The following CUX1 variants were observed in gnomAD, a reference collection of about 807,000 sequenced individuals.
The protein encoded by CUX1 is cut like homeobox 1.
CUX1 carries 31 observed loss-of-function variants against 158.8 expected under a neutral mutation model. The observed-to-expected ratio is 0.20, with a 90% CI of 0.15 to 0.26. CUX1 has a LOEUF of 0.26. Among genes scored for constraint, CUX1 ranks in the 10% least tolerant of loss-of-function variants. The pLI is 1.00. For missense variants in CUX1, 1,589 were observed against 2,014.6 expected (o/e 0.79, Z 4.04); for synonymous variants, 879 against 862.1 (o/e 1.02, Z -0.34).
At chr7:102,102,486 C>T (rs755026104) in intron 5 of CUX1, among the ~76,000 whole-genome samples, 30 of 147,394 alleles carry the variant, frequency 2.0e-4, no homozygotes, top group Non-Finnish European at 3.6e-4. Flanking sequence ...GGGTGTTAAT[C>T]GCCCAGGTGT....
At chr7:101,876,843 A>G (rs978582411) in intron 1 of CUX1, among the ~76,000 whole-genome samples, 2 of 152,016 alleles carry the variant, frequency 1.3e-5, no homozygotes, top group African/African-American at 4.8e-5. Context: ...TGAACTCCTG[A>G]CCTCAAGTGA....
downstream of CUX1, among the ~76,000 whole-genome samples, chr7:102,261,377 C>T (rs1363677418): frequency 1.3e-5 from 2 of 152,088 alleles, no homozygotes; most frequent in Non-Finnish European, 2.9e-5. Flanking sequence ...GTCTGTAATC[C>T]CAGCTACTCA....
Position 101,869,548 on chromosome 7 carries a change from CG to C in CUX1, c.31-46564del, listed in dbSNP as rs1562948382. Among the ~76,000 whole-genome samples the C allele has an allele frequency of 1.5e-5, 2 of 129,478 alleles. No homozygotes were observed. The allele number at this position is 129,478 out of a possible 152,430, so 84.9% of individuals were successfully genotyped here. ...GGGTGAGCACAGCATTTGCGGGGCG[CG>C]GGAAGGGAGTGGCTGGTGGGGCGGG... is the stretch of plus-strand genomic sequence containing the variant. On this transcript the variant is annotated intron_variant, in intron 1 of 23. Coordinates refer to ENST00000292535, the MANE Select transcript of CUX1 (RefSeq NM_181552.4). This position sits in a 1 kb window ranked among gnomAD's most constrained non-coding sequence, Gnocchi z 4.5.
intron 2 of CUX1, among the ~76,000 whole-genome samples, chr7:102,020,752 C>T (rs900725914): frequency 2.6e-5 from 4 of 151,842 alleles, no homozygotes; most frequent in Non-Finnish European, 2.9e-5. Context: ...TGGTGGCGGG[C>T]GCCTGTAATC....
At chr7:102,104,646 C>G (rs1280198619) in intron 6 of CUX1, among the ~76,000 whole-genome samples, 187 bp downstream of exon 6, 1 of 152,168 alleles carries the variant, frequency 6.6e-6, no homozygotes, top group African/African-American at 2.4e-5. Flanking sequence ...AATCTCAGCA[C>G]TTTGGGAGGC....
intron 2 of CUX1, among the ~76,000 whole-genome samples, chr7:101,922,215 C>G (rs186639068): frequency 1.3e-5 from 2 of 152,270 alleles, no homozygotes; most frequent in African/African-American, 4.8e-5. Context: ...GGAATAAAAC[C>G]CTATCTCCAT....
At chr7:101,995,634 G>A (rs1278644459) in intron 2 of CUX1, among the ~76,000 whole-genome samples, 1 of 152,202 alleles carries the variant, frequency 6.6e-6, no homozygotes, top group Non-Finnish European at 1.5e-5. Context: ...GACGATAGTT[G>A]TCAAGAATTA....
intron 20 of CUX1, among the ~76,000 whole-genome samples, chr7:102,215,314 C>T (rs1342294746): frequency 7.0e-6 from 1 of 141,886 alleles, no homozygotes; most frequent in Non-Finnish European, 1.5e-5. Flanking sequence ...GCAGGGACTC[C>T]CCAGGGGCAG....
exon 23 of CUX1, chr7:102,283,331 C>G (rs1792256496): frequency 1.8e-6 from 1 of 549,836 alleles, no homozygotes; most frequent in Admixed American, 3.0e-5. Flanking sequence ...CGCAGAGACC[C>G]TCTCAGCCCC....
intron 19 of CUX1, chr7:102,280,703 C>A (rs1192218480): frequency 5.8e-6 from 7 of 1,214,892 alleles, no homozygotes; most frequent in African/African-American, 3.0e-5. Context: ...GCAAGAACAG[C>A]GGGCAGGGTG....
At chr7:102,216,497 G>A (rs542833539) in intron 20 of CUX1, among the ~76,000 whole-genome samples, 2 of 148,086 alleles carry the variant, frequency 1.4e-5, no homozygotes, top group East Asian at 4.1e-4. Flanking sequence ...AGAAAAAGAG[G>A]GCGTGCGTGT....
chr7:101,995,421 A>T (rs1815722079), intron 2 of CUX1, among the ~76,000 whole-genome samples: 1 of 152,074 alleles, frequency 6.6e-6, no homozygotes, highest in Non-Finnish European at 1.5e-5. Context: ...ATAAAACAGT[A>T]CCCTCTCACC....
In CUX1 at chr7:102,252,667, T is replaced by C; in HGVS notation, c.*3625T>C. ...CTTGTGATAGCCGAGATGGCAGGTGTGTGAGTTCTGTCCTAGACCTGTGCC... is the reference window on the plus strand; with the variant it reads ...CTTGTGATAGCCGAGATGGCAGGTGCGTGAGTTCTGTCCTAGACCTGTGCC... On this transcript the variant is annotated 3_prime_UTR_variant, in exon 24 of 24. Transcript: ENST00000292535. The C allele has an allele frequency of 1.0e-6, 1 of 985,446 alleles. No homozygotes were observed. The highest frequency in any genetic ancestry group is 1.2e-6 in the Non-Finnish European group (1 of 829,944). 61.0% of individuals were successfully genotyped at this position (985,446 alleles called of 1,614,324 possible).
intron 22 of CUX1, among the ~76,000 whole-genome samples, chr7:102,235,800 G>A (rs914939566): frequency 6.1e-5 from 7 of 114,862 alleles, no homozygotes; most frequent in Admixed American, 2.3e-4. Context: ...ACACACACAC[G>A]CGCACACAAC....
In CUX1 at chr7:102,254,404, C is replaced by T. The variant is rs1554541323; in HGVS notation, c.*5362C>T. On this transcript the variant is annotated 3_prime_UTR_variant, in exon 24 of 24. Coordinates refer to ENST00000292535, the MANE Select transcript of CUX1 (RefSeq NM_181552.4). The stretch of plus-strand genomic sequence containing the variant: ...ACTCCTTTGCAAACATCAAACATCT[C>T]AAAGACGGAAAAGGATAGATGGCTT... 1.0e-6 allele frequency: 1 copy of T among 985,376 alleles called. No individual in the cohort carries two copies. The highest frequency in any genetic ancestry group is 1.2e-6 in the Non-Finnish European group (1 of 829,996). The allele number at this position is 985,376 out of a possible 1,614,324, so 61.0% of individuals were successfully genotyped here. A position where few individuals can be genotyped will look rare whatever the true frequency, so the allele number is the denominator to read the frequency against.
intron 11 of CUX1, among the ~76,000 whole-genome samples, chr7:102,183,759 T>C (rs1230759675): frequency 6.6e-6 from 1 of 152,236 alleles, no homozygotes; most frequent in Non-Finnish European, 1.5e-5. Flanking sequence ...TGGCCCCATT[T>C]ATCTGCACTG....
At chr7:102,244,342 C>G (rs1468907014) in intron 23 of CUX1, among the ~76,000 whole-genome samples, 1 of 151,846 alleles carries the variant, frequency 6.6e-6, no homozygotes, top group Non-Finnish European at 1.5e-5. Context: ...AAAAAAAAAC[C>G]GAGCTTTATT....
upstream of CUX1, chr7:101,817,021 T>G: frequency 1.0e-6 from 1 of 983,646 alleles, no homozygotes; most frequent in Non-Finnish European, 1.2e-6. The surrounding 1 kb of genome is among the most constrained non-coding windows in gnomAD (Gnocchi z 4.1). Flanking sequence ...CGCGGACCTG[T>G]TCCTCCGTGG....
chr7:101,989,645 C>A (rs978640011), intron 2 of CUX1, among the ~76,000 whole-genome samples: 5 of 152,222 alleles, frequency 3.3e-5, no homozygotes, highest in Non-Finnish European at 7.3e-5. Context: ...TGGTGAGATT[C>A]TCACCGGGGC....
Sources: gnomAD v4.1 joint callset for allele counts (sites outside exome capture counted in the v4.1 genomes callset) on GRCh38, gnomAD v4.1.1 for gene constraint, Gnocchi (gnomAD v3.1) non-coding constraint, MANE v1.5 for transcripts, NCBI Gene and HGNC (gene_info 2026-07-23, HGNC 2026-07-21) for gene names.